Variants in TSGA10 observed in about 807,000 individuals in gnomAD.
TSGA10 encodes testis-specific gene 10 protein.
Under a neutral mutation model 96.6 loss-of-function variants are expected in TSGA10, and 43 were observed. That is an observed-to-expected ratio of 0.44 (90% CI 0.35 to 0.57). The LOEUF is 0.57. Among genes scored for constraint, TSGA10 ranks in the 20% least tolerant of loss-of-function variants. The pLI is 0.01. For synonymous variants in TSGA10, 229 were observed against 269.9 expected, an observed-to-expected ratio of 0.85 and a Z score of 1.48; for missense variants, 703 against 834.4, an observed-to-expected ratio of 0.84 and a Z score of 1.94.
chr2:99,051,410 A>G (rs2083380442), intron 16 of TSGA10, among the ~76,000 whole-genome samples: 1 of 152,172 alleles, frequency 6.6e-6, no homozygotes, highest in Non-Finnish European at 1.5e-5. Flanking sequence ...TACAGTGGTA[A>G]AGGGTCAAGG....
rs566498501 is a variant in TSGA10 at position 99,009,503 on chromosome 2, C to T, written c.2072+8697G>A. ...AGGAGAATGGCGTGAACCTGGGAGG[C>T]GGAGCTTGCAGTGAGCCGAGATCGC... On this transcript the variant is annotated intron_variant, in intron 20 of 20. Transcript: ENST00000393483. Among the ~76,000 whole-genome samples the T allele has an allele frequency of 7.5e-5, 10 of 132,500 alleles. No individual in the cohort carries two copies. In the South Asian group the frequency reaches 1.3e-3, roughly 17 times the overall value. 86.9% of individuals were successfully genotyped at this position (132,500 alleles called of 152,430 possible).
At chr2:99,033,860 T>A (rs2081362101) in intron 17 of TSGA10, among the ~76,000 whole-genome samples, 1 of 151,954 alleles carries the variant, frequency 6.6e-6, no homozygotes, top group African/African-American at 2.4e-5. Context: ...AAAGCCAAAC[T>A]GGAATTATGG....
chr2:99,047,302 G>A (rs1289962405), intron 16 of TSGA10, among the ~76,000 whole-genome samples: 1 of 152,176 alleles, frequency 6.6e-6, no homozygotes, highest in Non-Finnish European at 1.5e-5. Context: ...TATCCCTGAT[G>A]AACCTCAATG....
intron 20 of TSGA10, among the ~76,000 whole-genome samples, chr2:99,007,522 C>T (rs2078608777): frequency 6.6e-6 from 1 of 152,066 alleles, no homozygotes; most frequent in South Asian, 2.1e-4. Context: ...CAGAAAAGGA[C>T]ACTTTATAAA....
At chr2:99,045,339 G>T (rs565585457) in intron 16 of TSGA10, among the ~76,000 whole-genome samples, 1 of 152,222 alleles carries the variant, frequency 6.6e-6, no homozygotes, top group African/African-American at 2.4e-5. Context: ...AGAAAGAAAG[G>T]TCGGGTTACC....
chr2:99,105,927 T>C (rs1055510643), intron 7 of TSGA10, among the ~76,000 whole-genome samples: 4 of 152,196 alleles, frequency 2.6e-5, no homozygotes, highest in Non-Finnish European at 5.9e-5. Context: ...AAAATTAATT[T>C]GGAGGAAGTC....
chr2:99,063,366 TTGATAATAATTC>T (rs2104452770), intron 16 of TSGA10, among the ~76,000 whole-genome samples: 2 of 152,300 alleles, frequency 1.3e-5, no homozygotes, highest in East Asian at 3.9e-4. Context: ...TAGGAAAATA[TTGATAATAATTC>T]TGAGTATATC....
At chr2:99,112,677 G>C (rs1039905012) in intron 4 of TSGA10, among the ~76,000 whole-genome samples, 4 of 151,744 alleles carry the variant, frequency 2.6e-5, no homozygotes, top group African/African-American at 2.4e-5. Context: ...GGTCTGGTTG[G>C]TTCTAAGTAT....
chr2:99,061,020 A>G (rs1241820708), intron 16 of TSGA10, among the ~76,000 whole-genome samples: 2 of 152,224 alleles, frequency 1.3e-5, no homozygotes, highest in Non-Finnish European at 2.9e-5. Flanking sequence ...TTATCAGGAC[A>G]TAGAAGTACA....
intron 1 of TSGA10, among the ~76,000 whole-genome samples, chr2:99,138,379 AT>A (rs751869767): frequency 6.6e-6 from 1 of 152,218 alleles, no homozygotes; most frequent in Non-Finnish European, 1.5e-5. Context: ...CTATCTCCCC[AT>A]ACTAGAATAT....
chr2:99,121,585 C>T (rs1297319332), intron 2 of TSGA10, among the ~76,000 whole-genome samples: 3 of 151,490 alleles, frequency 2.0e-5, no homozygotes, highest in Middle Eastern at 3.2e-3. Flanking sequence ...GATCCTCCCA[C>T]CTCAGCCTCT....
intron 18 of TSGA10, among the ~76,000 whole-genome samples, chr2:99,019,951 A>G (rs1487042767): frequency 6.6e-6 from 1 of 152,214 alleles, no homozygotes; most frequent in Non-Finnish European, 1.5e-5. Flanking sequence ...ACTAGGTTGC[A>G]ATATATTGGT....
chr2:99,127,632 G>T (rs1178823138), intron 1 of TSGA10, among the ~76,000 whole-genome samples: 1 of 152,054 alleles, frequency 6.6e-6, no homozygotes, highest in South Asian at 2.1e-4. Context: ...AGAAAAATTG[G>T]CAAAGAATGT....
chr2:99,117,780 A>G, intron 3 of TSGA10, 21 bp from the exon 4 acceptor site: 1 of 973,618 alleles, frequency 1.0e-6, no homozygotes, highest in African/African-American at 1.8e-5. Context: ...CAGAAAAAAA[A>G]TCACATTAAA....
At chr2:99,005,094 GC>G in intron 20 of TSGA10, among the ~76,000 whole-genome samples, 1 of 152,046 alleles carries the variant, frequency 6.6e-6, no homozygotes, top group Non-Finnish European at 1.5e-5. Context: ...ATTCAACAAC[GC>G]TTCATGCTAA....
At chr2:99,107,094 A>G (rs773535363) in intron 7 of TSGA10, among the ~76,000 whole-genome samples, 3 of 152,096 alleles carry the variant, frequency 2.0e-5, no homozygotes, top group Non-Finnish European at 4.4e-5. Flanking sequence ...TGACTCTCCT[A>G]TTTTTTATTT....
rs1411341020 is a variant in TSGA10, at chr2:99,108,876, A to G, written c.167T>C (p.Val56Ala). ...GATCTTGTCTCTCTCAGATTTAAGA[A>G]CCTTGACATTACCCTGAATTTCTGC... The part of the protein sequence containing the change: ...HLAEIQGNVK[V>A]LKSERDKIFL... The change falls in exon 7 of 21, where the codon GTT (valine) becomes GCT (alanine). Residue 56 changes from valine to alanine, a missense_variant. Transcript: ENST00000393483. 6.3e-7 allele frequency: 1 copy of G among 1,596,274 alleles called. No individual in the cohort carries two copies. Among genetic ancestry groups the G allele is most frequent in the African/African-American group, 1.4e-5 (1 of 73,784 alleles).
At chr2:99,068,592 C>T (rs1436131074) in intron 15 of TSGA10, among the ~76,000 whole-genome samples, 1 of 152,056 alleles carries the variant, frequency 6.6e-6, no homozygotes, top group African/African-American at 2.4e-5. Context: ...AACTGGAAAC[C>T]CCACCACTTT....
intron 12 of TSGA10, among the ~76,000 whole-genome samples, chr2:99,077,845 A>G (rs1574107275): frequency 6.6e-6 from 1 of 151,460 alleles, no homozygotes; most frequent in East Asian, 2.0e-4. Context: ...TACAGGCGTG[A>G]GCCACCGCAC....
Sources: allele counts gnomAD v4.1 joint callset (sites outside exome capture counted in the v4.1 genomes callset), GRCh38; gene constraint gnomAD v4.1.1; transcripts MANE v1.5; gene names NCBI Gene and HGNC (gene_info 2026-07-23, HGNC 2026-07-21).